PCDHGA1: variants seen among roughly 807,000 people sequenced by gnomAD.
The protein encoded by PCDHGA1 is protocadherin gamma subfamily A, 1, also known as protocadherin gamma-A1.
A neutral mutation model predicts 58.0 loss-of-function variants in PCDHGA1; 32 were observed. The observed-to-expected ratio is 0.55, with a 90% CI of 0.42 to 0.74. The LOEUF (loss-of-function observed/expected upper bound fraction) is 0.74. Ranked by LOEUF, PCDHGA1 falls within the 30% of genes least tolerant of loss-of-function variation. The pLI, the probability that PCDHGA1 is intolerant of heterozygous loss-of-function variation, is 0.00. For synonymous variants in PCDHGA1, 498 were observed against 501.1 expected (o/e 0.99, Z 0.08); for missense variants, 1,205 against 1,182.3 (o/e 1.02, Z -0.28).
At chr5:141,467,987 A>G (rs888811899) in intron 1 of PCDHGA1, among the ~76,000 whole-genome samples, 10 of 152,216 alleles carry the variant, frequency 6.6e-5, no homozygotes, top group Non-Finnish European at 8.8e-5. Flanking sequence ...TCAGAAAACC[A>G]CAATTCTTTC....
intron 1 of PCDHGA1, chr5:141,374,293 T>C (rs369929839): frequency 1.2e-6 from 2 of 1,613,788 alleles, no homozygotes; most frequent in African/African-American, 1.3e-5. Context: ...TCTCCAGAGG[T>C]AGGATGCAGC....
intron 1 of PCDHGA1, among the ~76,000 whole-genome samples, chr5:141,445,490 C>T (rs1181158971): frequency 6.6e-6 from 1 of 152,134 alleles, no homozygotes; most frequent in Non-Finnish European, 1.5e-5. Flanking sequence ...AGTTAATGGG[C>T]CCTATTCTAA....
At chr5:141,499,553 A>T (rs1215178587) in intron 2 of PCDHGA1, among the ~76,000 whole-genome samples, 3 of 152,206 alleles carry the variant, frequency 2.0e-5, no homozygotes, top group African/African-American at 4.8e-5. Context: ...CCTGTATGAT[A>T]CCACTATCCA....
intron 1 of PCDHGA1, chr5:141,339,577 C>T (rs1173613101): frequency 6.2e-7 from 1 of 1,614,140 alleles, no homozygotes. Flanking sequence ...CTCTGGACCG[C>T]GAGGAAGAGG....
intron 1 of PCDHGA1, among the ~76,000 whole-genome samples, chr5:141,386,837 A>G (rs551845645): frequency 1.3e-5 from 2 of 152,378 alleles, no homozygotes; most frequent in Middle Eastern, 6.8e-3. Context: ...ATGGAGAGAC[A>G]TAATCACTAA....
In PCDHGA1 at chr5:141,361,401, C is replaced by T; in HGVS notation, c.2421+28296C>T. ...AGATCCCAGAATACAATCTCACCAT[C>T]ACAGCCACCGACGGGGGCAAGCCGC... On this transcript the variant is annotated intron_variant, in intron 1 of 3. Transcript: ENST00000517417. 5 of 1,614,008 alleles carry T rather than the reference C, an allele frequency of 3.1e-6. No homozygotes were observed. In the South Asian group the frequency reaches 4.4e-5, roughly 14 times the overall value.
intron 1 of PCDHGA1, chr5:141,371,904 T>A (rs1375493299): frequency 6.2e-7 from 1 of 1,613,398 alleles, no homozygotes. Context: ...GCTGTCGTCC[T>A]ACGTGTCCGT....
chr5:141,422,715 T>C, intron 1 of PCDHGA1: 7 of 1,603,978 alleles, frequency 4.4e-6, no homozygotes, highest in African/African-American at 1.3e-5. Context: ...CGGATGACAC[T>C]GTCCAGGGGG....
Position 141,486,494 on chromosome 5 carries a change from A to G in PCDHGA1, c.2422-8313A>G, listed in dbSNP as rs375607204. 9.3e-6 allele frequency: 15 copies of G among 1,614,058 alleles called. No individual in the cohort carries two copies. The highest frequency in any genetic ancestry group is 1.3e-5 in the Non-Finnish European group (15 of 1,179,958). ...CCCTCCTCTCAGTACCCACAGAACT[A>G]TTTTCCTCAATATTTCAGATGTGAA... On this transcript the variant is annotated intron_variant, in intron 1 of 3. Transcript: ENST00000517417. The surrounding 1 kb of genome is among the most constrained non-coding windows in gnomAD (Gnocchi z 5.0).
chr5:141,338,641 A>G (rs1242118833), intron 1 of PCDHGA1: 1 of 218,674 alleles, frequency 4.6e-6, no homozygotes, highest in Non-Finnish European at 8.8e-6. Context: ...GCGCCTTGAA[A>G]GTCAACAAAG....
intron 1 of PCDHGA1, chr5:141,419,781 G>T: frequency 6.2e-7 from 1 of 1,614,032 alleles, no homozygotes; most frequent in Non-Finnish European, 8.5e-7. Context: ...GTCCGCCAGC[G>T]CCTGCTAGTC....
intron 1 of PCDHGA1, chr5:141,394,897 T>C (rs773335725): frequency 3.1e-6 from 5 of 1,613,682 alleles, no homozygotes; most frequent in Non-Finnish European, 4.2e-6. Flanking sequence ...TATCTCGTGG[T>C]GGCAGTGGCT....
At chr5:141,455,292 G>A (rs2098818902) in intron 1 of PCDHGA1, among the ~76,000 whole-genome samples, 1 of 152,068 alleles carries the variant, frequency 6.6e-6, no homozygotes, top group East Asian at 1.9e-4. Context: ...ACTTTACATA[G>A]TTTCATCTTG....
chr5:141,372,910 A>AT, intron 1 of PCDHGA1: 1 of 1,053,676 alleles, frequency 9.5e-7, no homozygotes, highest in East Asian at 2.6e-5. Flanking sequence ...TGATTACATT[A>AT]TTTTATTGAT....
chr5:141,485,434 G>A lies in PCDHGA1; in HGVS notation c.2422-9373G>A. The A allele has an allele frequency of 6.2e-7, 1 of 1,614,166 alleles. No individual in the cohort carries two copies. The highest frequency in any genetic ancestry group is 8.5e-7 in the Non-Finnish European group (1 of 1,180,018). On this transcript the variant is annotated intron_variant, in intron 1 of 3. Coordinates refer to ENST00000517417, the MANE Select transcript of PCDHGA1 (RefSeq NM_018912.3). This position sits in a 1 kb window ranked among gnomAD's most constrained non-coding sequence, Gnocchi z 5.7. ...TGGACAGCGGAGCCCTGCTCATCAA[G>A]AACCCAATCGACCGAGAGGCACTGT...
chr5:141,359,240 G>A (rs1217262882), intron 1 of PCDHGA1, among the ~76,000 whole-genome samples: 1 of 152,062 alleles, frequency 6.6e-6, no homozygotes, highest in African/African-American at 2.4e-5. Flanking sequence ...ATTGTTTAAA[G>A]TAATTAAGCC....
At chr5:141,344,091 C>T (rs1483568435) in intron 1 of PCDHGA1, 2 of 1,613,434 alleles carry the variant, frequency 1.2e-6, no homozygotes, top group East Asian at 2.2e-5. Flanking sequence ...GTGCGCGCTC[C>T]TGGGGACGCT....
At chr5:141,506,226 G>A (rs1248069119) in intron 3 of PCDHGA1, among the ~76,000 whole-genome samples, 3 of 152,152 alleles carry the variant, frequency 2.0e-5, no homozygotes, top group Non-Finnish European at 1.5e-5. Flanking sequence ...TGAGGCAGGA[G>A]GATCATGAGG....
chr5:141,356,029 G>T, intron 1 of PCDHGA1: 1 of 1,613,954 alleles, frequency 6.2e-7, no homozygotes, highest in South Asian at 1.1e-5. Flanking sequence ...CAATGGAGAC[G>T]TGACGTATTC....
Sources: gnomAD v4.1 joint callset for allele counts (sites outside exome capture counted in the v4.1 genomes callset) on GRCh38, gnomAD v4.1.1 for gene constraint, Gnocchi (gnomAD v3.1) non-coding constraint, MANE v1.5 for transcripts, NCBI Gene and HGNC (gene_info 2026-07-23, HGNC 2026-07-21) for gene names.